Variants in USP6NL observed in about 807,000 individuals in gnomAD.
USP6NL encodes the protein USP6 N-terminal-like protein.
Under a neutral mutation model 61.9 loss-of-function variants are expected in USP6NL, and 26 were observed. That is an observed-to-expected ratio of 0.42 (90% CI 0.31 to 0.58). The LOEUF (loss-of-function observed/expected upper bound fraction) is 0.58. Among genes scored for constraint, USP6NL ranks in the 20% least tolerant of loss-of-function variants. USP6NL has a pLI of 0.16. For synonymous variants in USP6NL, 432 were observed against 390.1 expected (o/e 1.11, Z -1.27); for missense variants, 1,114 against 1,034.3 (o/e 1.08, Z -1.06).
At chr10:11,576,804 A>G (rs1837562584) in intron 2 of USP6NL, among the ~76,000 whole-genome samples, 1 of 152,212 alleles carries the variant, frequency 6.6e-6, no homozygotes, top group South Asian at 2.1e-4. Context: ...CCTCTCTGAT[A>G]TTATTCAGAA....
intron 14 of USP6NL, among the ~76,000 whole-genome samples, chr10:11,467,184 C>G (rs1289820933): frequency 1.3e-5 from 2 of 152,124 alleles, no homozygotes; most frequent in Non-Finnish European, 2.9e-5. Context: ...AAAAATGGAG[C>G]ACCCTAACTT....
chr10:11,537,497 T>C lies in USP6NL; in HGVS notation c.5-9930A>G, dbSNP rs1264668040. 6.6e-6 allele frequency among the ~76,000 whole-genome samples: 1 copy of C among 152,262 alleles called. No individual in the cohort carries two copies. The highest frequency in any genetic ancestry group is 6.5e-5 in the Admixed American group (1 of 15,290). On this transcript the variant is annotated intron_variant, in intron 2 of 14. Transcript: ENST00000609104. The surrounding 1 kb of genome is among the most constrained non-coding windows in gnomAD (Gnocchi z 5.1). ...CTAAATGTTCTTCAATTTTAACTTT[T>C]CATTATCAGCACAAATATGATTTAT...
At chr10:11,531,336 T>C (rs181114591) in intron 2 of USP6NL, among the ~76,000 whole-genome samples, 1 of 152,130 alleles carries the variant, frequency 6.6e-6, no homozygotes, top group Non-Finnish European at 1.5e-5. Flanking sequence ...TCTTTTTTTC[T>C]TTTTGAGACC....
chr10:11,510,698 TTC>T lies in USP6NL; in HGVS notation c.196-1025_196-1024del, dbSNP rs1446791421. ...CAAGTCTACTCAGAAAAGAAAATCATTCTGAGGATACATTTTATACTCAAGGA... is the reference window on the plus strand; with the variant it reads ...CAAGTCTACTCAGAAAAGAAAATCATTGAGGATACATTTTATACTCAAGGA... On this transcript the variant is annotated intron_variant, in intron 5 of 14. Coordinates refer to ENST00000609104, the MANE Select transcript of USP6NL (RefSeq NM_014688.5). The surrounding 1 kb of genome is among the most constrained non-coding windows in gnomAD (Gnocchi z 4.8). Among the ~76,000 whole-genome samples, 1 of 152,222 alleles carries T rather than the reference TTC, an allele frequency of 6.6e-6. No individual in the cohort carries two copies. Among genetic ancestry groups the T allele is most frequent in the East Asian group, 1.9e-4 (1 of 5,196 alleles).
At chr10:11,588,227 C>T (rs1232712568) in intron 2 of USP6NL, among the ~76,000 whole-genome samples, 1 of 152,188 alleles carries the variant, frequency 6.6e-6, no homozygotes, top group Non-Finnish European at 1.5e-5. Flanking sequence ...TGACAAAAGG[C>T]AATGTGTGAA....
At position 11,589,730 on chromosome 10, in the gene USP6NL, T is replaced by C. The variant is rs1838098112; in HGVS notation, c.4+7901A>G. Among the ~76,000 whole-genome samples, 1 of 152,236 alleles carries C rather than the reference T, an allele frequency of 6.6e-6. No individual in the cohort carries two copies. Among genetic ancestry groups the C allele is most frequent in the African/African-American group, 2.4e-5 (1 of 41,466 alleles). On this transcript the variant is annotated intron_variant, in intron 2 of 14. Transcript: ENST00000609104. The surrounding 1 kb of genome is among the most constrained non-coding windows in gnomAD (Gnocchi z 4.7). ...CATCTAAAACAGGCAACTGTATTTT[T>C]AAAAAGACATTGTGACGCCAAATGC...
intron 2 of USP6NL, among the ~76,000 whole-genome samples, chr10:11,566,869 T>C (rs1837180879): frequency 6.6e-6 from 1 of 152,246 alleles, no homozygotes; most frequent in Non-Finnish European, 1.5e-5. Context: ...CCCAAAACTT[T>C]GGGAGGCCAA....
rs1358233518 is a variant in USP6NL, at chr10:11,553,055, A to C, written c.5-25488T>G. Among the ~76,000 whole-genome samples the C allele has an allele frequency of 1.3e-5, 2 of 152,164 alleles. No individual in the cohort carries two copies. Among genetic ancestry groups the C allele is most frequent in the Non-Finnish European group, 2.9e-5 (2 of 68,020 alleles). On this transcript the variant is annotated intron_variant, in intron 2 of 14. Coordinates refer to ENST00000609104, the MANE Select transcript of USP6NL (RefSeq NM_014688.5). The surrounding 1 kb of genome is among the most constrained non-coding windows in gnomAD (Gnocchi z 4.8). The stretch of plus-strand genomic sequence containing the variant: ...ACCCATTGTTTCGCTCCTACTTATA[A>C]GTGAGAACACTGGCATCATTTTTAA...
intron 2 of USP6NL, among the ~76,000 whole-genome samples, chr10:11,593,972 T>C (rs1838239074): frequency 6.6e-6 from 1 of 152,240 alleles, no homozygotes. Context: ...ATCTTTCTTT[T>C]AATCTCCAGA....
At position 11,597,364 on chromosome 10, in the gene USP6NL, T is replaced by A. The variant is rs1205373002; in HGVS notation, c.4+267A>T. On this transcript the variant is annotated intron_variant, in intron 2 of 14. Transcript: ENST00000609104. This position sits in a 1 kb window ranked among gnomAD's most constrained non-coding sequence, Gnocchi z 4.6. ...GAACCGTTTTCCAATGGCAAGTCAA[T>A]AGAAAATTTTAGATCACAGAACTAA... Among the ~76,000 whole-genome samples the A allele has an allele frequency of 6.6e-6, 1 of 152,180 alleles. No homozygotes were observed. The highest frequency in any genetic ancestry group is 1.5e-5 in the Non-Finnish European group (1 of 68,022).
At position 11,462,685 on chromosome 10, in the gene USP6NL, T is replaced by C. The variant is rs2096219970; in HGVS notation, c.2243A>G (p.Gln748Arg). ...AGCATCTCGGGTCCATGATTGTCCC[T>C]GCGTCTCAGGTCTGTATGTATAACT... ...EVSYTYRPET[Q>R]GQSWTRDASR... The change falls in exon 15 of 15, where the codon CAG (glutamine) becomes CGG (arginine). Residue 748 changes from glutamine (Q) to arginine (R), a missense_variant. Transcript: ENST00000609104. 6.2e-7 allele frequency: 1 copy of C among 1,614,032 alleles called. No homozygotes were observed. Among genetic ancestry groups the C allele is most frequent in the Non-Finnish European group, 8.5e-7 (1 of 1,179,896 alleles).
intron 3 of USP6NL, among the ~76,000 whole-genome samples, 157 bp downstream of exon 3, chr10:11,527,343 G>A (rs1223263232): frequency 1.3e-5 from 2 of 152,156 alleles, no homozygotes; most frequent in East Asian, 3.8e-4. Context: ...AAAGGATGAA[G>A]AAAGACAGGA....
rs1566206469 is a variant in USP6NL, at chr10:11,595,295, A to G, written c.4+2336T>C. On this transcript the variant is annotated intron_variant, in intron 2 of 14. Transcript: ENST00000609104. This position sits in a 1 kb window ranked among gnomAD's most constrained non-coding sequence, Gnocchi z 5.3. Reference sequence around the variant, plus strand: ...GTCAGCTGGACTCTGGGCCCAGGGCAGGACAGAGCAGCAGGAAGTTTTGTC... The same window carrying G: ...GTCAGCTGGACTCTGGGCCCAGGGCGGGACAGAGCAGCAGGAAGTTTTGTC... 6.6e-6 allele frequency among the ~76,000 whole-genome samples: 1 copy of G among 152,220 alleles called. No homozygotes were observed. Among genetic ancestry groups the G allele is most frequent in the Non-Finnish European group, 1.5e-5 (1 of 68,030 alleles).
rs139132141 is a variant in USP6NL at position 11,552,636 on chromosome 10, T to C, written c.5-25069A>G. On this transcript the variant is annotated intron_variant, in intron 2 of 14. Coordinates refer to ENST00000609104, the MANE Select transcript of USP6NL (RefSeq NM_014688.5). ...TCAAGGAAACTCTTTTATATTGGTG[T>C]AACACAATTCACATTATGCAGAAAA... 8.6e-3 allele frequency among the ~76,000 whole-genome samples: 1,312 copies of C among 152,302 alleles called. 16 individuals are homozygous for C. Among genetic ancestry groups the C allele is most frequent in the African/African-American group, 0.03 (1,227 of 41,556 alleles).
intron 2 of USP6NL, among the ~76,000 whole-genome samples, chr10:11,529,534 T>C (rs148119791): frequency 5.9e-5 from 9 of 152,378 alleles, no homozygotes; most frequent in Non-Finnish European, 1.2e-4. Context: ...AAAATGTTTG[T>C]GTTACTGCTT....
chr10:11,514,146 G>A (rs901670058), intron 5 of USP6NL, among the ~76,000 whole-genome samples: 13 of 145,456 alleles, frequency 8.9e-5, no homozygotes, highest in South Asian at 2.2e-4. Flanking sequence ...AATAATCCAC[G>A]TGATATACTT....
chr10:11,584,839 G>A lies in USP6NL; in HGVS notation c.4+12792C>T, dbSNP rs138218607. Among the ~76,000 whole-genome samples the A allele has an allele frequency of 6.7e-4, 102 of 152,240 alleles. 1 individual carries two copies. The East Asian group carries it at 0.019, about 28-fold the overall frequency. Reference sequence around the variant, plus strand: ...TGTAGTCCCAGCTACATGAGAGGCTGAGGTGGGAGAATCACTTGAGCCAGG... The same window carrying A: ...TGTAGTCCCAGCTACATGAGAGGCTAAGGTGGGAGAATCACTTGAGCCAGG... On this transcript the variant is annotated intron_variant, in intron 2 of 14. Transcript: ENST00000609104.
chr10:11,539,612 CA>C (rs1257649694), intron 2 of USP6NL, among the ~76,000 whole-genome samples: 1 of 152,214 alleles, frequency 6.6e-6, no homozygotes, highest in Non-Finnish European at 1.5e-5. Flanking sequence ...AAATTGCCAA[CA>C]ACAGATATTT....
Position 11,509,590 on chromosome 10 carries a change from A to G in USP6NL, c.276+5T>C. 1 of 1,544,646 alleles carries G rather than the reference A, an allele frequency of 6.5e-7. No individual in the cohort carries two copies. Among genetic ancestry groups the G allele is most frequent in the South Asian group, 1.2e-5 (1 of 80,966 alleles). ...TTCATATGGAAAAACATGATTTTAA[A>G]TTACCTTTTCAGTGTTCTTGTATTT... On this transcript the variant is annotated splice_donor_5th_base_variant and intron_variant, in intron 6 of 14. Coordinates refer to ENST00000609104, the MANE Select transcript of USP6NL (RefSeq NM_014688.5).
Sources: gnomAD v4.1 joint callset for allele counts (sites outside exome capture counted in the v4.1 genomes callset) on GRCh38, gnomAD v4.1.1 for gene constraint, Gnocchi (gnomAD v3.1) non-coding constraint, MANE v1.5 for transcripts, NCBI Gene and HGNC (gene_info 2026-07-23, HGNC 2026-07-21) for gene names.